SLCO3A1: variants seen among roughly 807,000 people sequenced by gnomAD.
The protein encoded by SLCO3A1 is PGE1 transporter.
SLCO3A1 carries 27 observed loss-of-function variants against 63.1 expected under a neutral mutation model. The observed-to-expected ratio is 0.43, with a 90% CI of 0.32 to 0.59. The LOEUF (loss-of-function observed/expected upper bound fraction) is 0.59. SLCO3A1 is among the 20% of genes least tolerant of loss of function. The probability of loss-of-function intolerance (pLI) is 0.09; values close to 1 mark genes in which losing one functional copy is unlikely to be tolerated. For synonymous variants in SLCO3A1, 473 were observed against 409.9 expected (o/e 1.15, Z -1.86); for missense variants, 773 against 945.8 (o/e 0.82, Z 2.40).
At chr15:92,135,106 G>C (rs2048040623) in intron 7 of SLCO3A1, among the ~76,000 whole-genome samples, 1 of 152,216 alleles carries the variant, frequency 6.6e-6, no homozygotes, top group Non-Finnish European at 1.5e-5. Flanking sequence ...GAGTGCACAG[G>C]CTGAGGTGTG....
chr15:91,963,635 C>T (rs964904564), intron 2 of SLCO3A1, among the ~76,000 whole-genome samples: 5 of 152,090 alleles, frequency 3.3e-5, no homozygotes, highest in African/African-American at 7.2e-5. Flanking sequence ...TGGACCTTCG[C>T]GGTGAGTGTT....
At chr15:92,109,311 G>A (rs184710850) in intron 4 of SLCO3A1, among the ~76,000 whole-genome samples, 10 of 152,230 alleles carry the variant, frequency 6.6e-5, no homozygotes, top group Admixed American at 2.6e-4. Context: ...GACAGTAAAC[G>A]GACACTCTCT....
At chr15:92,131,046 A>C (rs771019778) in intron 7 of SLCO3A1, among the ~76,000 whole-genome samples, 1 of 151,814 alleles carries the variant, frequency 6.6e-6, no homozygotes, top group Non-Finnish European at 1.5e-5. Context: ...CCCTGTGTAT[A>C]TTATCTCATT....
intron 2 of SLCO3A1, among the ~76,000 whole-genome samples, chr15:92,042,227 A>G (rs1036948247): frequency 1.3e-5 from 2 of 152,170 alleles, no homozygotes; most frequent in African/African-American, 2.4e-5. Context: ...GCTACCATTT[A>G]ACATTCACAC....
In SLCO3A1 at chr15:92,130,213, T is replaced by C. The variant is rs137938520; in HGVS notation, c.1512+1724T>C. On this transcript the variant is annotated intron_variant, in intron 7 of 9. Transcript: ENST00000318445. Reference sequence around the variant, plus strand: ...TGATCTTGCATGTACAGGAGTCTTATTGAATAAGAGCCTTACCAGGCCCAT... The same window carrying C: ...TGATCTTGCATGTACAGGAGTCTTACTGAATAAGAGCCTTACCAGGCCCAT... 4.6e-3 allele frequency among the ~76,000 whole-genome samples: 699 copies of C among 152,372 alleles called. 2 individuals are homozygous for C. Among genetic ancestry groups the C allele is most frequent in the African/African-American group, 0.016 (674 of 41,578 alleles).
intron 2 of SLCO3A1, among the ~76,000 whole-genome samples, chr15:91,944,672 C>T (rs901253300): frequency 4.6e-5 from 7 of 152,082 alleles, no homozygotes; most frequent in Non-Finnish European, 7.4e-5. Flanking sequence ...TTCCCACTCT[C>T]CCCCGAGATG....
At chr15:92,072,923 G>C (rs1445195411) in intron 2 of SLCO3A1, among the ~76,000 whole-genome samples, 2 of 151,972 alleles carry the variant, frequency 1.3e-5, no homozygotes, top group Non-Finnish European at 2.9e-5. Context: ...TTTTTTTTGA[G>C]GATCGTCATT....
At chr15:92,168,407 CTG>C (rs1024224238), downstream of SLCO3A1, among the ~76,000 whole-genome samples, 3 of 152,222 alleles carry the variant, frequency 2.0e-5, no homozygotes, top group African/African-American at 7.2e-5. Context: ...GGCCTGCAGT[CTG>C]TGTTGCAACT....
intron 2 of SLCO3A1, among the ~76,000 whole-genome samples, chr15:92,081,949 T>C (rs138956402): frequency 1.0e-3 from 157 of 152,360 alleles, no homozygotes; most frequent in African/African-American, 3.5e-3. Context: ...GGTGCAGTAA[T>C]GTGGGGAGGG....
At chr15:92,061,733 A>G (rs767166242) in intron 2 of SLCO3A1, among the ~76,000 whole-genome samples, 1 of 152,214 alleles carries the variant, frequency 6.6e-6, no homozygotes, top group African/African-American at 2.4e-5. Context: ...ACAGCATGCT[A>G]GCAAAACAGG....
At position 91,861,032 on chromosome 15, in the gene SLCO3A1, C is replaced by T. The variant is rs540465496; in HGVS notation, c.180+6944C>T. Among the ~76,000 whole-genome samples, 3 of 152,304 alleles carry T rather than the reference C, an allele frequency of 2.0e-5. No homozygotes were observed. In the East Asian group the frequency reaches 5.8e-4, roughly 29 times the overall value. ...CCTTCCCGCCCCCAGTCTGGTCACA[C>T]CTGTCCTTGCGAAGGATAGAGAAGG... On this transcript the variant is annotated intron_variant, in intron 1 of 9. Coordinates refer to ENST00000318445, the MANE Select transcript of SLCO3A1 (RefSeq NM_013272.4).
intron 4 of SLCO3A1, among the ~76,000 whole-genome samples, chr15:92,110,646 G>C (rs937018155): frequency 3.3e-5 from 5 of 152,118 alleles, no homozygotes; most frequent in Non-Finnish European, 2.9e-5. Context: ...CCCTTCCAAG[G>C]CACATCATAA....
At chr15:92,087,920 G>C (rs2047426055) in intron 2 of SLCO3A1, among the ~76,000 whole-genome samples, 1 of 152,152 alleles carries the variant, frequency 6.6e-6, no homozygotes, top group Non-Finnish European at 1.5e-5. Context: ...AATTCTTCTG[G>C]TTACATGCAC....
intron 2 of SLCO3A1, among the ~76,000 whole-genome samples, chr15:92,029,084 A>G (rs1163500806): frequency 6.6e-6 from 1 of 152,204 alleles, no homozygotes; most frequent in Admixed American, 6.5e-5. Flanking sequence ...CCTGTTGCCA[A>G]GTAATTTCTT....
chr15:91,889,219 T>C (rs1897808572), intron 1 of SLCO3A1: 3 of 1,249,714 alleles, frequency 2.4e-6, no homozygotes, highest in East Asian at 5.6e-5. Flanking sequence ...AGTTCTAAAA[T>C]TGTTGCCAGG....
chr15:92,150,719 TAA>T (rs2048293746), intron 8 of SLCO3A1, among the ~76,000 whole-genome samples: 1 of 152,000 alleles, frequency 6.6e-6, no homozygotes, highest in South Asian at 2.1e-4. Flanking sequence ...CTCCAGTTAT[TAA>T]AAAACACTGT....
rs539573807 is a variant in SLCO3A1, at chr15:91,948,398, C to T, written c.646+31940C>T. Among the ~76,000 whole-genome samples, 27 of 152,326 alleles carry T rather than the reference C, an allele frequency of 1.8e-4. No individual in the cohort carries two copies. The highest frequency in any genetic ancestry group is 6.5e-4 in the African/African-American group (27 of 41,582). On this transcript the variant is annotated intron_variant, in intron 2 of 9. Transcript: ENST00000318445. The surrounding 1 kb of genome is among the most constrained non-coding windows in gnomAD (Gnocchi z 4.8). The stretch of plus-strand genomic sequence containing the variant: ...GCCGCATGTGTGGTGCCAGCCACAG[C>T]ATCCTATTCCTGCAGATAAGCCTAC...
chr15:92,014,254 G>T (rs1379661607), intron 2 of SLCO3A1, among the ~76,000 whole-genome samples: 1 of 152,106 alleles, frequency 6.6e-6, no homozygotes, highest in East Asian at 1.9e-4. Flanking sequence ...GGCCACGGGG[G>T]CAGTGGACCA....
intron 9 of SLCO3A1, among the ~76,000 whole-genome samples, chr15:92,155,705 A>G (rs1167714990): frequency 6.7e-6 from 1 of 150,242 alleles, no homozygotes; most frequent in African/African-American, 2.4e-5. Context: ...TGGGAGCCAC[A>G]TAAGAGACAG....
Sources: allele counts gnomAD v4.1 joint callset (sites outside exome capture counted in the v4.1 genomes callset), GRCh38; gene constraint gnomAD v4.1.1; non-coding constraint Gnocchi (gnomAD v3.1); transcripts MANE v1.5; gene names NCBI Gene and HGNC (gene_info 2026-07-23, HGNC 2026-07-21).